The following WNT8B variants were observed in gnomAD, a reference collection of about 807,000 sequenced individuals.
WNT8B encodes the protein protein Wnt-8b.
Under a neutral mutation model 36.6 loss-of-function variants are expected in WNT8B, and 24 were observed. That is an observed-to-expected ratio of 0.66 (90% CI 0.48 to 0.92). WNT8B has a LOEUF of 0.92. Ranked by LOEUF, WNT8B falls within the 40% of genes least tolerant of loss-of-function variation. WNT8B has a pLI of 0.00. For missense variants in WNT8B, 402 were observed against 470.8 expected (o/e 0.85, Z 1.35); for synonymous variants, 199 against 189.8 (o/e 1.05, Z -0.40).
Position 100,482,529 on chromosome 10 carries a change from C to G in WNT8B, c.769C>G (p.Leu257Val). 6.2e-7 allele frequency: 1 copy of G among 1,600,200 alleles called. No homozygotes were observed. Among genetic ancestry groups the G allele is most frequent in the Non-Finnish European group, 8.5e-7 (1 of 1,179,440 alleles). Residue 257 changes from leucine to valine, a missense_variant, in exon 6 of 6, where the codon CTG becomes GTG. Physicochemically the swap from Leu to Val is conservative, Grantham distance 32 (BLOSUM62 1). Transcript: ENST00000343737. The surrounding 1 kb of genome is among the most constrained non-coding windows in gnomAD (Gnocchi z 6.6). ...CCTGGAGGACTCCCCGGACTACTGC[C>G]TGGAGAACAAAACGCTAGGGCTGCT... The part of the protein sequence containing the change: ...VHLEDSPDYC[L>V]ENKTLGLLGT...
chr10:100,482,585 C>T lies in WNT8B; in HGVS notation c.825C>T (p.Arg275=). 1.1e-5 allele frequency: 18 copies of T among 1,597,774 alleles called. No individual in the cohort carries two copies. The highest frequency in any genetic ancestry group is 1.4e-5 in the Non-Finnish European group (17 of 1,177,678). ...LGTEGRECLR[R]GRALGRWERR... is the part of the protein sequence containing the mutation. ...CCGAAGGCCGAGAGTGCCTAAGGCG[C>T]GGGCGGGCCCTGGGTCGCTGGGAAC... is the stretch of plus-strand genomic sequence containing the variant. Residue 275 remains arginine (R), a synonymous_variant, in exon 6 of 6, where the codon CGC becomes CGT. Transcript: ENST00000343737. This position sits in a 1 kb window ranked among gnomAD's most constrained non-coding sequence, Gnocchi z 6.6.
At chr10:100,472,465 G>A (rs941252852) in intron 1 of WNT8B, among the ~76,000 whole-genome samples, 11 of 152,060 alleles carry the variant, frequency 7.2e-5, no homozygotes, top group African/African-American at 2.7e-4. Context: ...AAAGTACTTC[G>A]TGTGCACAGA....
chr10:100,481,393 A>G (rs1357495499), intron 4 of WNT8B, among the ~76,000 whole-genome samples: 1 of 152,188 alleles, frequency 6.6e-6, no homozygotes, highest in Non-Finnish European at 1.5e-5. Context: ...TCTCTCAAAC[A>G]CAAGGGGAAC....
intron 4 of WNT8B, 45 bp from the exon 5 acceptor site, chr10:100,481,867 G>C (rs1397463890): frequency 1.2e-6 from 2 of 1,610,520 alleles, no homozygotes; most frequent in South Asian, 2.2e-5. Flanking sequence ...AGGAGGCTCT[G>C]CGCCCGCTTG....
chr10:100,479,076 TG>T lies in WNT8B; in HGVS notation c.95del (p.Gly32ValfsTer6). 6.2e-7 allele frequency: 1 copy of T among 1,603,018 alleles called. No individual in the cohort carries two copies. Among genetic ancestry groups the T allele is most frequent in the Non-Finnish European group, 8.5e-7 (1 of 1,177,266 alleles). ...GGTCGGTGAACAATTTCCTGATGAC[TG>T]GTCCAAAGGTAAGAACAAATTCCAT... ...SWSVNNFLMTGPKAYLIYSSS... is the reference protein window; with the variant it reads ...SWSVNNFLMTXPKAYLIYSSS... On this transcript the variant is annotated frameshift_variant, in exon 2 of 6. Coordinates refer to ENST00000343737, the MANE Select transcript of WNT8B (RefSeq NM_003393.4). LOFTEE classifies it high-confidence loss of function.
chr10:100,481,267 C>G (rs910628805), intron 4 of WNT8B, 144 bp downstream of exon 4: 1 of 1,189,274 alleles, frequency 8.4e-7, no homozygotes, highest in Non-Finnish European at 1.1e-6. Context: ...TGATCCCAAG[C>G]CCTACAATGA....
chr10:100,474,549 G>A (rs1021535872), intron 1 of WNT8B, among the ~76,000 whole-genome samples: 4 of 152,012 alleles, frequency 2.6e-5, no homozygotes, highest in Admixed American at 6.6e-5. Flanking sequence ...CTCCTCCTTT[G>A]GTACTCACTA....
At chr10:100,478,298 C>A (rs528326884) in intron 1 of WNT8B, among the ~76,000 whole-genome samples, 1 of 152,102 alleles carries the variant, frequency 6.6e-6, no homozygotes. Flanking sequence ...CCTGAACACA[C>A]GTTTAACTTT....
At chr10:100,476,058 G>A (rs1427267396) in intron 1 of WNT8B, among the ~76,000 whole-genome samples, 1 of 151,766 alleles carries the variant, frequency 6.6e-6, no homozygotes, top group Admixed American at 6.6e-5. Flanking sequence ...TTGGGAGGCC[G>A]AGGAGGGCAG....
intron 1 of WNT8B, among the ~76,000 whole-genome samples, 165 bp from the exon 2 acceptor site, chr10:100,478,887 A>G (rs1851074340): frequency 6.6e-6 from 1 of 152,146 alleles, no homozygotes; most frequent in African/African-American, 2.4e-5. Context: ...CTGGCTGTAA[A>G]TCATCTTTAG....
Position 100,483,530 on chromosome 10 carries a change from G to GACTCC in WNT8B, c.*716_*720dup, listed in dbSNP as rs1275226500. On this transcript the variant is annotated 3_prime_UTR_variant, in exon 6 of 6. Coordinates refer to ENST00000343737, the MANE Select transcript of WNT8B (RefSeq NM_003393.4). ...GACTTTCCTAGACAATAACCCGAGG[G>GACTCC]ACTCCAGATACATACCCCGAAGGTC... The GACTCC allele has an allele frequency of 2.0e-5, 3 of 152,162 alleles. No homozygotes were observed. The highest frequency in any genetic ancestry group is 7.2e-5 in the African/African-American group (3 of 41,408). 9.4% of individuals were successfully genotyped at this position (152,162 alleles called of 1,614,324 possible). A position where few individuals can be genotyped will look rare whatever the true frequency, so the allele number is the denominator to read the frequency against.
intron 3 of WNT8B, 122 bp downstream of exon 3, chr10:100,480,134 C>T (rs767165897): frequency 1.9e-5 from 23 of 1,231,488 alleles, no homozygotes; most frequent in Non-Finnish European, 2.3e-5. Context: ...AGGTCATCTC[C>T]CTCTCCAGGA....
At chr10:100,478,774 G>T (rs1851072962) in intron 1 of WNT8B, among the ~76,000 whole-genome samples, 1 of 152,002 alleles carries the variant, frequency 6.6e-6, no homozygotes, top group South Asian at 2.1e-4. Context: ...CAGAGACGGG[G>T]TTTCACTATG....
intron 1 of WNT8B, among the ~76,000 whole-genome samples, chr10:100,473,317 A>T (rs1003051367): frequency 6.6e-6 from 1 of 152,224 alleles, no homozygotes; most frequent in Admixed American, 6.5e-5. Flanking sequence ...ACCCTTTAAC[A>T]AATCAATGAT....
At chr10:100,469,449 C>T (rs1850949791) in intron 1 of WNT8B, among the ~76,000 whole-genome samples, 1 of 152,228 alleles carries the variant, frequency 6.6e-6, no homozygotes, top group Non-Finnish European at 1.5e-5. Flanking sequence ...TACCTTGTAA[C>T]TTCTACCTCC....
rs767179222 is a variant in WNT8B at position 100,482,145 on chromosome 10, T to C, written c.510+91T>C. ...ACAACTCTTCAGTTCATTTAAAAGA[T>C]TGGCAAAATGAGGTACCAAGTGGGC... is the stretch of plus-strand genomic sequence containing the variant. On this transcript the variant is annotated intron_variant, in intron 5 of 5. Coordinates refer to ENST00000343737, the MANE Select transcript of WNT8B (RefSeq NM_003393.4). This position sits in a 1 kb window ranked among gnomAD's most constrained non-coding sequence, Gnocchi z 6.6. 5.8e-5 allele frequency: 92 copies of C among 1,578,348 alleles called. No homozygotes were observed. Among genetic ancestry groups the C allele is most frequent in the African/African-American group, 1.8e-4 (13 of 74,276 alleles).
Position 100,482,571 on chromosome 10 carries a change from G to A in WNT8B, c.811G>A (p.Glu271Lys). Reference protein sequence around the residue: ...TLGLLGTEGRECLRRGRALGR... With the variant: ...TLGLLGTEGRKCLRRGRALGR... The stretch of plus-strand genomic sequence containing the variant: ...AGGGCTGCTGGGCACCGAAGGCCGA[G>A]AGTGCCTAAGGCGCGGGCGGGCCCT... Residue 271 changes from glutamate to lysine, a missense_variant, in exon 6 of 6, where the codon GAG (glutamate) becomes AAG (lysine). Transcript: ENST00000343737. This position sits in a 1 kb window ranked among gnomAD's most constrained non-coding sequence, Gnocchi z 6.6. 6.3e-7 allele frequency: 1 copy of A among 1,598,452 alleles called. No individual in the cohort carries two copies. Among genetic ancestry groups the A allele is most frequent in the Non-Finnish European group, 8.5e-7 (1 of 1,178,370 alleles).
chr10:100,479,830 G>T, intron 2 of WNT8B, 44 bp from the exon 3 acceptor site: 1 of 1,606,980 alleles, frequency 6.2e-7, no homozygotes, highest in South Asian at 1.1e-5. Context: ...TAGGGTAAAT[G>T]CCTCCTAAGT....
chr10:100,479,831 C>A (rs371726276), intron 2 of WNT8B, 43 bp from the exon 3 acceptor site: 3 of 1,606,716 alleles, frequency 1.9e-6, no homozygotes, highest in Non-Finnish European at 1.7e-6. Flanking sequence ...AGGGTAAATG[C>A]CTCCTAAGTT....
Sources: gnomAD v4.1 joint callset for allele counts (sites outside exome capture counted in the v4.1 genomes callset) on GRCh38, gnomAD v4.1.1 for gene constraint, Gnocchi (gnomAD v3.1) non-coding constraint, MANE v1.5 for transcripts, NCBI Gene and HGNC (gene_info 2026-07-23, HGNC 2026-07-21) for gene names.